Variants in ADAMTSL3 observed in about 807,000 individuals in gnomAD.
ADAMTSL3 encodes the protein ADAMTS like 3.
In ADAMTSL3, 128 loss-of-function variants were observed where a neutral mutation model predicts 201.7. The observed-to-expected ratio is 0.63, with a 90% CI of 0.55 to 0.73. ADAMTSL3 has a LOEUF of 0.73. ADAMTSL3 is among the 30% of genes least tolerant of loss of function. The pLI, the probability that ADAMTSL3 is intolerant of heterozygous loss-of-function variation, is 0.00. For synonymous variants in ADAMTSL3, 738 were observed against 748.4 expected (o/e 0.99, Z 0.23); for missense variants, 1,990 against 2,119.6 (o/e 0.94, Z 1.20).
intron 2 of ADAMTSL3, among the ~76,000 whole-genome samples, chr15:83,657,056 G>T (rs1400159510): frequency 2.6e-5 from 4 of 152,154 alleles, no homozygotes; most frequent in Non-Finnish European, 4.4e-5. Context: ...TAGAACAAAA[G>T]TTAAGTCTTT....
intron 2 of ADAMTSL3, among the ~76,000 whole-genome samples, chr15:83,657,472 C>T (rs143013832): frequency 1.4e-4 from 22 of 152,348 alleles, no homozygotes; most frequent in African/African-American, 4.1e-4. Flanking sequence ...CCAGCTCTAC[C>T]ACTTCATTAC....
intron 2 of ADAMTSL3, among the ~76,000 whole-genome samples, chr15:83,693,547 T>C (rs532987371): frequency 5.3e-5 from 8 of 152,206 alleles, no homozygotes; most frequent in South Asian, 2.1e-4. Context: ...CCAAGGAAGA[T>C]GGCAAGATCC....
chr15:83,697,054 C>T (rs1029525486), intron 2 of ADAMTSL3, among the ~76,000 whole-genome samples: 3 of 152,098 alleles, frequency 2.0e-5, no homozygotes, highest in African/African-American at 7.2e-5. Context: ...GGTGTGAGAG[C>T]TCACACCAGG....
At chr15:83,899,113 G>A (rs997072210) in intron 14 of ADAMTSL3, among the ~76,000 whole-genome samples, 1 of 152,114 alleles carries the variant, frequency 6.6e-6, no homozygotes, top group African/African-American at 2.4e-5. Flanking sequence ...AGGACAGGAA[G>A]GGGGGCAACA....
At chr15:83,969,363 G>C (rs1048718932) in intron 19 of ADAMTSL3, among the ~76,000 whole-genome samples, 2 of 152,148 alleles carry the variant, frequency 1.3e-5, no homozygotes, top group African/African-American at 4.8e-5. Flanking sequence ...AGAATCGCTT[G>C]AATCTGAGAG....
intron 25 of ADAMTSL3, among the ~76,000 whole-genome samples, chr15:84,017,860 G>A (rs1596541794): frequency 1.3e-5 from 2 of 152,290 alleles, no homozygotes; most frequent in East Asian, 3.9e-4. Flanking sequence ...AGGCAGTCAC[G>A]TAAACAGATA....
intron 27 of ADAMTSL3, among the ~76,000 whole-genome samples, chr15:84,030,887 C>G (rs1271495088): frequency 6.6e-6 from 1 of 152,136 alleles, no homozygotes; most frequent in Non-Finnish European, 1.5e-5. Flanking sequence ...AGTGAGTTCT[C>G]ACAAGATCTG....
At chr15:83,832,640 CT>C (rs1284517610) in intron 6 of ADAMTSL3, among the ~76,000 whole-genome samples, 1 of 152,202 alleles carries the variant, frequency 6.6e-6, no homozygotes, top group Non-Finnish European at 1.5e-5. Flanking sequence ...GATTCAGTGT[CT>C]GGTGAGGGCC....
At chr15:83,844,832 A>C (rs1344306243) in intron 7 of ADAMTSL3, among the ~76,000 whole-genome samples, 1 of 152,198 alleles carries the variant, frequency 6.6e-6, no homozygotes. Flanking sequence ...TGTATTTTAC[A>C]TGGAGAAGCA....
At chr15:83,712,054 CT>C (rs1193496142) in intron 3 of ADAMTSL3, among the ~76,000 whole-genome samples, 3 of 152,140 alleles carry the variant, frequency 2.0e-5, no homozygotes, top group Non-Finnish European at 2.9e-5. Context: ...TCAGATCATC[CT>C]TTCTCTTTGA....
At position 83,937,478 on chromosome 15, in the gene ADAMTSL3, G is replaced by C. The variant is rs958274714; in HGVS notation, c.2118-5118G>C. Among the ~76,000 whole-genome samples the C allele has an allele frequency of 2.1e-4, 32 of 150,680 alleles. 2 individuals carry two copies. The highest frequency in any genetic ancestry group is 1.0e-4 in the Non-Finnish European group (7 of 68,000). On this transcript the variant is annotated intron_variant, in intron 17 of 29. Coordinates refer to ENST00000286744, the MANE Select transcript of ADAMTSL3 (RefSeq NM_207517.3). ...AATATTGAGAATACATCAACACAAA[G>C]AAGGGAACAACAGACATCAGGGTCT...
At chr15:83,890,391 T>A in intron 11 of ADAMTSL3, 144 bp downstream of exon 11, 1 of 1,026,448 alleles carries the variant, frequency 9.7e-7, no homozygotes, top group Non-Finnish European at 1.4e-6. Flanking sequence ...CATTTGTAAC[T>A]ATGGTGCATA....
At chr15:83,970,696 A>T in intron 20 of ADAMTSL3, 59 bp downstream of exon 20, 1 of 1,588,004 alleles carries the variant, frequency 6.3e-7, no homozygotes, top group South Asian at 1.1e-5. Flanking sequence ...TTTTGTCCCG[A>T]TGTCTTTATT....
At chr15:83,786,232 C>A (rs2063260469) in intron 4 of ADAMTSL3, among the ~76,000 whole-genome samples, 1 of 152,168 alleles carries the variant, frequency 6.6e-6, no homozygotes, top group Non-Finnish European at 1.5e-5. Context: ...AGTCCTCAGA[C>A]TTCCAAAGTG....
intron 27 of ADAMTSL3, among the ~76,000 whole-genome samples, chr15:84,031,079 G>T (rs1174195108): frequency 6.6e-6 from 1 of 152,158 alleles, no homozygotes; most frequent in Non-Finnish European, 1.5e-5. Flanking sequence ...CCAGTCTCGG[G>T]TATGTCTTTA....
intron 3 of ADAMTSL3, among the ~76,000 whole-genome samples, chr15:83,714,034 C>T (rs2061966860): frequency 6.6e-6 from 1 of 152,120 alleles, no homozygotes; most frequent in African/African-American, 2.4e-5. Context: ...CATATGGATA[C>T]CTGAGGCCAG....
intron 27 of ADAMTSL3, among the ~76,000 whole-genome samples, chr15:84,028,262 A>C (rs1176031692): frequency 6.6e-6 from 1 of 152,226 alleles, no homozygotes; most frequent in Non-Finnish European, 1.5e-5. Context: ...GGTTAGCCAA[A>C]AAAAGAAAAA....
At chr15:83,806,704 A>G (rs1305212359) in intron 5 of ADAMTSL3, among the ~76,000 whole-genome samples, 8 of 152,002 alleles carry the variant, frequency 5.3e-5, no homozygotes, top group Admixed American at 2.0e-4. Context: ...AAATACAAAA[A>G]TCAGCCAGGT....
chr15:83,824,659 C>G (rs989631649), intron 6 of ADAMTSL3, among the ~76,000 whole-genome samples: 6 of 152,170 alleles, frequency 3.9e-5, no homozygotes, highest in Non-Finnish European at 8.8e-5. Context: ...TCGCTAACCC[C>G]TGGCAACCAT....
Sources: allele counts gnomAD v4.1 joint callset (sites outside exome capture counted in the v4.1 genomes callset), GRCh38; gene constraint gnomAD v4.1.1; transcripts MANE v1.5; gene names NCBI Gene and HGNC (gene_info 2026-07-23, HGNC 2026-07-21).